The following CKM variants were observed in gnomAD, a reference collection of about 807,000 sequenced individuals.
The protein encoded by CKM is creatine kinase M-type.
CKM carries 28 observed loss-of-function variants against 35.4 expected under a neutral mutation model. The ratio of observed to expected loss-of-function variants is 0.79; its 90% CI spans 0.59 to 1.08. The LOEUF (loss-of-function observed/expected upper bound fraction) is 1.08, where lower values mean the gene tolerates loss of function less well. Ranked by LOEUF, CKM falls within the 50% of genes least tolerant of loss-of-function variation. The pLI is 0.00. For synonymous variants in CKM, 215 were observed against 204.4 expected (o/e 1.05, Z -0.44); for missense variants, 484 against 509.8 (o/e 0.95, Z 0.49).
At chr19:45,316,981 G>A (rs547154097) in intron 3 of CKM, among the ~76,000 whole-genome samples, 14 of 151,928 alleles carry the variant, frequency 9.2e-5, no homozygotes, top group South Asian at 6.2e-4. Context: ...CACTGTGCCC[G>A]GCTATGCCTC....
At chr19:45,317,688 CCTCT>C (rs1440182349) in intron 3 of CKM, 133 bp downstream of exon 3, 2 of 987,094 alleles carry the variant, frequency 2.0e-6, no homozygotes, top group Non-Finnish European at 3.1e-6. Flanking sequence ...TCCCAATGTC[CCTCT>C]CTCTTTCCAT....
chr19:45,307,651 C>G lies in CKM; in HGVS notation c.778-1G>C, dbSNP rs759831359. ...CAGCTTTCTTAAAGATCTCCTCAATCTGAGGTTCAGAGAGAGGACCAGGGG... is the reference window on the plus strand; with the variant it reads ...CAGCTTTCTTAAAGATCTCCTCAATGTGAGGTTCAGAGAGAGGACCAGGGG... On this transcript the variant is annotated splice_acceptor_variant, in intron 6 of 7. Coordinates refer to ENST00000221476, the MANE Select transcript of CKM (RefSeq NM_001824.5). LOFTEE classifies it high-confidence loss of function. The G allele has an allele frequency of 6.2e-7, 1 of 1,613,596 alleles. No homozygotes were observed. The highest frequency in any genetic ancestry group is 8.5e-7 in the Non-Finnish European group (1 of 1,179,924).
At chr19:45,314,174 A>AAAGG (rs140672931) in intron 4 of CKM, among the ~76,000 whole-genome samples, 1,826 of 149,698 alleles carry the variant, frequency 0.012, 31 homozygotes, top group Non-Finnish European at 0.019. Context: ...AAAAGAAAGG[A>AAAGG]AAGGAAGGAA....
In CKM at chr19:45,311,769, C is replaced by T. The variant is rs773099555; in HGVS notation, c.633G>A (p.Trp211Ter). The T allele has an allele frequency of 3.2e-5, 51 of 1,594,728 alleles. No individual in the cohort carries two copies. In the Middle Eastern group the frequency reaches 6.6e-4, roughly 21 times the overall value. The change falls in exon 5 of 8, where the codon TGG becomes TGA. Residue 211 changes from tryptophan to a stop codon, truncating the protein, a stop_gained. Transcript: ENST00000221476. LOFTEE classifies it high-confidence loss of function. ...CTCACCAGATGCCACGGGCGTCGGG[C>T]CAGTCGCGGGCCATGCCTGAGGCCA... ...LLLASGMARD[W>*]PDARGIWHND...
intron 2 of CKM, among the ~76,000 whole-genome samples, chr19:45,319,153 G>T (rs931813975): frequency 1.5e-4 from 23 of 152,076 alleles, no homozygotes; most frequent in Non-Finnish European, 1.6e-4. Flanking sequence ...CACTGCACCT[G>T]GCCCCCCTGT....
rs8188 is a variant in CKM, at chr19:45,306,654, A to C, written c.*96T>G. ...GAGAGCCCCCAGGTGGGACTCTGGG[A>C]CAGGGGGCGGGGCGAGGAGTGAGGG... On this transcript the variant is annotated 3_prime_UTR_variant, in exon 8 of 8. Transcript: ENST00000221476. This position sits in a 1 kb window ranked among gnomAD's most constrained non-coding sequence, Gnocchi z 4.5. 2.5e-3 allele frequency: 3,377 copies of C among 1,346,238 alleles called. 55 individuals are homozygous for C. The African/African-American group carries it at 0.039, about 16-fold the overall frequency. 83.4% of individuals were successfully genotyped at this position (1,346,238 alleles called of 1,614,324 possible). A position where few individuals can be genotyped will look rare whatever the true frequency, so the allele number is the denominator to read the frequency against.
Position 45,306,576 on chromosome 19 carries a change from T to G in CKM, c.*174A>C. ...ATTTCATTGGCCAGAATCCAGAGGA[T>G]GGAGCCCATTGGTTGGAACTCTGGT... On this transcript the variant is annotated 3_prime_UTR_variant, in exon 8 of 8. Transcript: ENST00000221476. This position sits in a 1 kb window ranked among gnomAD's most constrained non-coding sequence, Gnocchi z 4.5. The G allele has an allele frequency of 1.5e-6, 1 of 669,728 alleles. No homozygotes were observed. 41.5% of individuals were successfully genotyped at this position (669,728 alleles called of 1,614,324 possible).
At chr19:45,311,213 C>G (rs1001808855) in intron 5 of CKM, among the ~76,000 whole-genome samples, 2 of 150,944 alleles carry the variant, frequency 1.3e-5, no homozygotes, top group Non-Finnish European at 1.5e-5. Context: ...CCACTGTGCC[C>G]GGCCAAGTCT....
rs1036051825 is a variant in CKM at position 45,318,915 on chromosome 19, C to T, written c.193+606G>A. Among the ~76,000 whole-genome samples, 6 of 150,980 alleles carry T rather than the reference C, an allele frequency of 4.0e-5. No homozygotes were observed. In the South Asian group the frequency reaches 8.4e-4, roughly 21 times the overall value. ...TCACTCTGTGGCTGGAGTACAGTGGCGCGATCTCGGCTTACTGCAACCTGC... is the reference window on the plus strand; with the variant it reads ...TCACTCTGTGGCTGGAGTACAGTGGTGCGATCTCGGCTTACTGCAACCTGC... On this transcript the variant is annotated intron_variant, in intron 2 of 7. Transcript: ENST00000221476.
chr19:45,311,809 A>C lies in CKM; in HGVS notation c.593T>G (p.Val198Gly), dbSNP rs764944218. The change falls in exon 5 of 8, where the codon GTG becomes GGG. Residue 198 changes from valine (V) to glycine (G), a missense_variant. Coordinates refer to ENST00000221476, the MANE Select transcript of CKM (RefSeq NM_001824.5). ...IDDHFLFDKP[V>G]SPLLLASGMA... ...GCCTGAGGCCAGCAGCAGCGGGGAC[A>C]CGGGCTTGTCGAACAGGAAGTGGTC... The C allele has an allele frequency of 1.1e-5, 17 of 1,611,236 alleles. No individual in the cohort carries two copies. The highest frequency in any genetic ancestry group is 1.4e-5 in the Non-Finnish European group (16 of 1,178,910).
chr19:45,308,387 G>A, intron 6 of CKM, 22 bp downstream of exon 6: 1 of 1,614,014 alleles, frequency 6.2e-7, no homozygotes, highest in Non-Finnish European at 8.5e-7. Flanking sequence ...TCAGAAGTCA[G>A]CAGCTAAGGG....
chr19:45,310,759 CTTTTTTTTTTTTTTTT>C (rs3047558), intron 5 of CKM, among the ~76,000 whole-genome samples: 29 of 50,266 alleles, frequency 5.8e-4, no homozygotes, highest in Non-Finnish European at 8.1e-4. Flanking sequence ...TCACGCCTGG[CTTTTTTTTTTTTTTTT>C]TTTTTTTTTT....
intron 6 of CKM, 130 bp from the exon 7 acceptor site, chr19:45,307,780 G>T (rs2123129907): frequency 1.4e-6 from 1 of 718,214 alleles, no homozygotes; most frequent in East Asian, 2.7e-5. Flanking sequence ...GGAACAGGGA[G>T]GTAGGAGATT....
intron 4 of CKM, among the ~76,000 whole-genome samples, chr19:45,313,194 T>C (rs17875614): frequency 6.6e-6 from 1 of 152,176 alleles, no homozygotes; most frequent in South Asian, 2.1e-4. Context: ...CCATTTTTCC[T>C]ACAGCATGTG....
At chr19:45,313,103 G>A (rs571470660) in intron 4 of CKM, among the ~76,000 whole-genome samples, 5 of 151,760 alleles carry the variant, frequency 3.3e-5, no homozygotes, top group Admixed American at 6.6e-5. Flanking sequence ...GACATACCTC[G>A]TTTTATTGCA....
At chr19:45,318,094 A>G in intron 2 of CKM, 115 bp from the exon 3 acceptor site, 1 of 787,090 alleles carries the variant, frequency 1.3e-6, no homozygotes, top group Non-Finnish European at 2.1e-6. Flanking sequence ...GGGTACATTC[A>G]ATACCTCTGG....
chr19:45,312,046 C>T, intron 4 of CKM, 126 bp from the exon 5 acceptor site: 1 of 1,017,500 alleles, frequency 9.8e-7, no homozygotes, highest in Non-Finnish European at 1.5e-6. Flanking sequence ...GTCCTAAAGG[C>T]ACCTGAACCC....
intron 5 of CKM, among the ~76,000 whole-genome samples, chr19:45,308,902 A>G (rs1450524284): frequency 1.3e-5 from 2 of 152,156 alleles, no homozygotes; most frequent in African/African-American, 4.8e-5. Flanking sequence ...TTAGCTCCCA[A>G]TCCTAGCATC....
At chr19:45,322,420 C>T (rs1213447042) in intron 1 of CKM, among the ~76,000 whole-genome samples, 1 of 152,250 alleles carries the variant, frequency 6.6e-6, no homozygotes, top group Admixed American at 6.5e-5. Context: ...GCCTGCGACA[C>T]CTGCTCTTGC....
Sources: allele counts gnomAD v4.1 joint callset (sites outside exome capture counted in the v4.1 genomes callset), GRCh38; gene constraint gnomAD v4.1.1; non-coding constraint Gnocchi (gnomAD v3.1); transcripts MANE v1.5; gene names NCBI Gene and HGNC (gene_info 2026-07-23, HGNC 2026-07-21).